DTWD2: variants seen among roughly 807,000 people sequenced by gnomAD.
DTWD2 encodes DTW motif tRNA-uridine aminocarboxypropyltransferase 2.
A neutral mutation model predicts 31.8 loss-of-function variants in DTWD2; 39 were observed. The ratio of observed to expected loss-of-function variants is 1.22; its 90% CI spans 0.95 to 1.60. The LOEUF (loss-of-function observed/expected upper bound fraction) is 1.60, where lower values mean the gene tolerates loss of function less well. Ranked by LOEUF, DTWD2 falls within the 40% of genes most tolerant of loss-of-function variation. DTWD2 has a pLI of 0.00. For missense variants in DTWD2, 515 were observed against 381.5 expected (o/e 1.35, Z -2.92); for synonymous variants, 180 against 142.8 (o/e 1.26, Z -1.86).
At chr5:118,979,918 G>A (rs919375507) in intron 1 of DTWD2, among the ~76,000 whole-genome samples, 6 of 152,350 alleles carry the variant, frequency 3.9e-5, no homozygotes, top group African/African-American at 1.4e-4. Flanking sequence ...TAGGGGATGG[G>A]TTGATCTGTG....
chr5:118,957,627 C>T (rs138762774), intron 1 of DTWD2, among the ~76,000 whole-genome samples: 27 of 151,952 alleles, frequency 1.8e-4, no homozygotes, highest in Admixed American at 3.3e-4. Context: ...TTTCTTTTTG[C>T]GAATTGGGCA....
At chr5:118,957,199 T>G (rs184872132) in intron 1 of DTWD2, among the ~76,000 whole-genome samples, 3 of 152,050 alleles carry the variant, frequency 2.0e-5, no homozygotes, top group Non-Finnish European at 2.9e-5. Context: ...GGAGGAAGGA[T>G]AGACTTAGAA....
At chr5:118,884,562 T>A in intron 4 of DTWD2, among the ~76,000 whole-genome samples, 1 of 152,226 alleles carries the variant, frequency 6.6e-6, no homozygotes. Flanking sequence ...CTCAAAAAAA[T>A]TTACTTTCTG....
At chr5:118,919,855 TG>T (rs1200102496) in intron 4 of DTWD2, among the ~76,000 whole-genome samples, 1 of 152,190 alleles carries the variant, frequency 6.6e-6, no homozygotes, top group Non-Finnish European at 1.5e-5. Context: ...CTACAAACAG[TG>T]GCGTTTCACA....
chr5:118,844,769 A>C (rs1361566725), intron 5 of DTWD2, among the ~76,000 whole-genome samples: 1 of 152,242 alleles, frequency 6.6e-6, no homozygotes, highest in Non-Finnish European at 1.5e-5. Context: ...ACAACAGATT[A>C]ACAAAGCTAT....
At chr5:118,938,706 C>T (rs190872325) in intron 3 of DTWD2, among the ~76,000 whole-genome samples, 3 of 151,120 alleles carry the variant, frequency 2.0e-5, no homozygotes, top group South Asian at 4.2e-4. Flanking sequence ...AAAGTGAGAT[C>T]CTGCCTCAAA....
At chr5:118,986,297 CAG>C (rs1755425655) in intron 1 of DTWD2, among the ~76,000 whole-genome samples, 1 of 152,080 alleles carries the variant, frequency 6.6e-6, no homozygotes, top group African/African-American at 2.4e-5. Flanking sequence ...ACATAAAGGA[CAG>C]AATACATTTA....
chr5:118,913,624 G>A (rs891841170), intron 4 of DTWD2, among the ~76,000 whole-genome samples: 1 of 151,844 alleles, frequency 6.6e-6, no homozygotes, highest in African/African-American at 2.4e-5. Flanking sequence ...TGAAATCTTT[G>A]TATCTTCCTG....
intron 4 of DTWD2, 113 bp from the exon 5 acceptor site, chr5:118,848,331 C>G: frequency 2.3e-6 from 2 of 876,020 alleles, no homozygotes; most frequent in Non-Finnish European, 3.3e-6. Flanking sequence ...CTTAGAAGTA[C>G]TAAATGTGTC....
intron 4 of DTWD2, among the ~76,000 whole-genome samples, chr5:118,851,385 A>T (rs1049235937): frequency 1.3e-5 from 2 of 150,080 alleles, no homozygotes; most frequent in Admixed American, 1.3e-4. Context: ...GCAACATCAC[A>T]TATCGGTAGG....
intron 4 of DTWD2, among the ~76,000 whole-genome samples, chr5:118,878,240 C>T (rs1752664732): frequency 6.6e-6 from 1 of 152,184 alleles, no homozygotes; most frequent in Non-Finnish European, 1.5e-5. Flanking sequence ...CTGGAAGCAT[C>T]ACACTATCTG....
chr5:118,898,666 A>G (rs1753137344), intron 4 of DTWD2, among the ~76,000 whole-genome samples: 1 of 151,832 alleles, frequency 6.6e-6, no homozygotes, highest in South Asian at 2.1e-4. Flanking sequence ...CTCAAAAAAA[A>G]AAAAAAAAAA....
intron 1 of DTWD2, among the ~76,000 whole-genome samples, chr5:118,970,892 A>C (rs1754969581): frequency 1.3e-5 from 2 of 152,162 alleles, no homozygotes; most frequent in Admixed American, 1.3e-4. Flanking sequence ...AAATAAGCTT[A>C]ATAAGCAAGG....
rs538174741 is a variant in DTWD2, at chr5:118,984,199, G to C, written c.218+4095C>G. ...AGCTACTCAGGAGGCTGAGGCAGGA[G>C]GATCGCTTGAACCTGGGTGGCAGAG... On this transcript the variant is annotated intron_variant, in intron 1 of 5. Transcript: ENST00000510708. Among the ~76,000 whole-genome samples, 131 of 152,268 alleles carry C rather than the reference G, an allele frequency of 8.6e-4. 2 individuals are homozygous for C. The highest frequency in any genetic ancestry group is 2.9e-3 in the African/African-American group (122 of 41,538).
intron 4 of DTWD2, among the ~76,000 whole-genome samples, chr5:118,919,752 G>GA (rs1554066959): frequency 1.3e-4 from 20 of 152,006 alleles, no homozygotes; most frequent in Admixed American, 1.3e-3. Context: ...TATCATTCCT[G>GA]TTTTTTTCCT....
At chr5:118,986,170 A>T (rs1228362017) in intron 1 of DTWD2, among the ~76,000 whole-genome samples, 1 of 152,142 alleles carries the variant, frequency 6.6e-6, no homozygotes, top group Non-Finnish European at 1.5e-5. Context: ...CTCTGGGGAG[A>T]TCAGCCAAGG....
At chr5:118,879,630 AG>A (rs1752696485) in intron 4 of DTWD2, among the ~76,000 whole-genome samples, 2 of 151,100 alleles carry the variant, frequency 1.3e-5, no homozygotes, top group African/African-American at 4.9e-5. Context: ...AAAAAAAAAA[AG>A]AACGAGATCA....
chr5:118,852,276 A>G (rs1752027513), intron 4 of DTWD2, among the ~76,000 whole-genome samples: 1 of 152,232 alleles, frequency 6.6e-6, no homozygotes, highest in South Asian at 2.1e-4. Flanking sequence ...CACATGTTTT[A>G]CAATCAATTT....
intron 1 of DTWD2, among the ~76,000 whole-genome samples, chr5:118,959,943 T>A (rs1001295332): frequency 6.6e-6 from 1 of 151,940 alleles, no homozygotes; most frequent in South Asian, 2.1e-4. Context: ...TAAAAGTCAA[T>A]CAAGATGGAT....
Sources: gnomAD v4.1 joint callset for allele counts (sites outside exome capture counted in the v4.1 genomes callset) on GRCh38, gnomAD v4.1.1 for gene constraint, MANE v1.5 for transcripts, NCBI Gene and HGNC (gene_info 2026-07-23, HGNC 2026-07-21) for gene names.